The following DAB2 variants were observed in gnomAD, a reference collection of about 807,000 sequenced individuals.
The protein encoded by DAB2 is disabled homolog 2.
A neutral mutation model predicts 71.6 loss-of-function variants in DAB2; 28 were observed. The observed-to-expected ratio is 0.39, with a 90% CI of 0.29 to 0.54. The LOEUF (loss-of-function observed/expected upper bound fraction) is 0.54, where lower values mean the gene tolerates loss of function less well. DAB2 is among the 20% of genes least tolerant of loss of function. The probability of loss-of-function intolerance (pLI) is 0.68; values close to 1 mark genes in which losing one functional copy is unlikely to be tolerated. For synonymous variants in DAB2, 345 were observed against 339.7 expected (o/e 1.02, Z -0.17); for missense variants, 867 against 928.8 (o/e 0.93, Z 0.86).
At chr5:39,381,333 C>A in intron 11 of DAB2, 121 bp downstream of exon 11, 1 of 1,006,346 alleles carries the variant, frequency 9.9e-7, no homozygotes, top group Non-Finnish European at 1.5e-6. Context: ...AGAAGGGCTC[C>A]CTGGGATGCT....
Position 39,392,389 on chromosome 5 carries a change from T to C in DAB2, c.306A>G (p.Ile102Met). 6.2e-7 allele frequency: 1 copy of C among 1,614,048 alleles called. No individual in the cohort carries two copies. The highest frequency in any genetic ancestry group is 8.5e-7 in the Non-Finnish European group (1 of 1,179,900). The change falls in exon 4 of 15, where the codon ATA becomes ATG. Residue 102 changes from isoleucine (I) to methionine (M), a missense_variant. Coordinates refer to ENST00000320816, the MANE Select transcript of DAB2 (RefSeq NM_001343.4). ...CCCCAGTTTTCTCATCAATTATTTT[T>C]ATCCCAGAAAGGGAAATGTTGACCC... ...RIWVNISLSG[I>M]KIIDEKTGVI...
intron 6 of DAB2, 24 bp downstream of exon 6, chr5:39,389,807 CAGCCAGTTTTAAATTTAATAG>C: frequency 8.6e-7 from 1 of 1,165,694 alleles, no homozygotes; most frequent in East Asian, 2.5e-5. Context: ...CCACCATGCC[CAGCCAGTTTTAAATTTAATAG>C]AGCCTTAATC....
chr5:39,382,608 G>T lies in DAB2; in HGVS notation c.1341+10C>A. Reference sequence around the variant, plus strand: ...ACTCTGCTAATGGATATGTGGAGAAGACAATTCACCTTAGCAGTCCTTCTG... The same window carrying T: ...ACTCTGCTAATGGATATGTGGAGAATACAATTCACCTTAGCAGTCCTTCTG... On this transcript the variant is annotated intron_variant, in intron 10 of 14. Transcript: ENST00000320816. 1 of 1,608,944 alleles carries T rather than the reference G, an allele frequency of 6.2e-7. No individual in the cohort carries two copies. The highest frequency in any genetic ancestry group is 1.1e-5 in the South Asian group (1 of 90,930).
chr5:39,405,817 T>A (rs1278594616), intron 1 of DAB2, among the ~76,000 whole-genome samples: 2 of 152,160 alleles, frequency 1.3e-5, no homozygotes, highest in African/African-American at 2.4e-5. Flanking sequence ...ACTACAACCT[T>A]GAGCCCAGAG....
chr5:39,399,368 G>A (rs73752509), intron 1 of DAB2, among the ~76,000 whole-genome samples: 2 of 152,160 alleles, frequency 1.3e-5, no homozygotes, highest in Admixed American at 1.3e-4. Context: ...TTGTTATCCT[G>A]GTTCTCAGGG....
At chr5:39,411,353 C>A (rs537912264) in intron 1 of DAB2, among the ~76,000 whole-genome samples, 1 of 152,112 alleles carries the variant, frequency 6.6e-6, no homozygotes, top group Admixed American at 6.6e-5. Flanking sequence ...TCTTTCAGAG[C>A]AGTCTCCTCT....
chr5:39,392,487 G>A (rs1301523515), intron 3 of DAB2, 24 bp from the exon 4 acceptor site: 1 of 1,560,404 alleles, frequency 6.4e-7, no homozygotes. Context: ...AAAAACAAGA[G>A]AAGTTGAATT....
At chr5:39,418,275 A>G (rs1487736776) in intron 1 of DAB2, 1 of 152,190 alleles carries the variant, frequency 6.6e-6, no homozygotes, top group Non-Finnish European at 1.5e-5. Context: ...CCAAACTGGT[A>G]TAGCATTCTT....
At chr5:39,378,308 A>T (rs1200452833) in intron 11 of DAB2, among the ~76,000 whole-genome samples, 1 of 152,182 alleles carries the variant, frequency 6.6e-6, no homozygotes, top group Non-Finnish European at 1.5e-5. Flanking sequence ...TGCATTAATG[A>T]TTCAGTTAAA....
chr5:39,412,522 CAG>C (rs1755755561), intron 1 of DAB2, among the ~76,000 whole-genome samples: 1 of 152,108 alleles, frequency 6.6e-6, no homozygotes, highest in Non-Finnish European at 1.5e-5. Context: ...TACTATCTAA[CAG>C]GGAGCAAAAC....
At chr5:39,399,097 T>C (rs1446363889) in intron 1 of DAB2, among the ~76,000 whole-genome samples, 1 of 152,214 alleles carries the variant, frequency 6.6e-6, no homozygotes, top group African/African-American at 2.4e-5. Flanking sequence ...GTCTAGCTTA[T>C]GTTAAGCAAT....
Position 39,392,443 on chromosome 5 carries a change from C to T in DAB2, c.252G>A (p.Arg84=). 1 of 1,613,904 alleles carries T rather than the reference C, an allele frequency of 6.2e-7. No homozygotes were observed. Among genetic ancestry groups the T allele is most frequent in the Non-Finnish European group, 8.5e-7 (1 of 1,179,852 alleles). The change falls in exon 4 of 15, where the codon CGG becomes CGA. Residue 84 remains arginine, a synonymous_variant. Transcript: ENST00000320816. ...TCCTTTGTTTGTGTTGTCCCTGAGA[C>T]CGACCAGCTGCCGCCATTCCCTGAT... is the stretch of plus-strand genomic sequence containing the variant. ...MKLKGMAAAG[R]SQGQHKQRIW...
At position 39,388,370 on chromosome 5, in the gene DAB2, TA is replaced by T. The variant is rs1208232091; in HGVS notation, c.625-4del. 1 of 1,603,548 alleles carries T rather than the reference TA, an allele frequency of 6.2e-7. No individual in the cohort carries two copies. Among genetic ancestry groups the T allele is most frequent in the Non-Finnish European group, 8.5e-7 (1 of 1,170,936 alleles). On this transcript the variant is annotated splice_region_variant and splice_polypyrimidine_tract_variant and intron_variant, in intron 8 of 14. Transcript: ENST00000320816. ...AACAAATCCATCTGGTCAACACCCT[TA>T]AAAAAGTATTTGGATTAGATTCAGA...
chr5:39,374,686 T>C (rs1754778767), intron 14 of DAB2: 1 of 236,580 alleles, frequency 4.2e-6, no homozygotes, highest in Non-Finnish European at 8.0e-6. Context: ...ACCACTTCAA[T>C]ATGAAAGTAA....
intron 8 of DAB2, 69 bp downstream of exon 8, chr5:39,388,730 A>G: frequency 7.8e-7 from 1 of 1,279,318 alleles, no homozygotes; most frequent in South Asian, 1.3e-5. Context: ...GGTATCAGCA[A>G]CATCTACAGG....
intron 4 of DAB2, chr5:39,392,107 G>A (rs902491204): frequency 1.3e-5 from 3 of 225,334 alleles, no homozygotes; most frequent in African/African-American, 7.1e-5. Flanking sequence ...ATATATTATA[G>A]ACATAATGTG....
intron 1 of DAB2, among the ~76,000 whole-genome samples, chr5:39,419,010 T>C (rs1278733367): frequency 6.6e-6 from 1 of 152,222 alleles, no homozygotes; most frequent in Non-Finnish European, 1.5e-5. Context: ...CCCAAGCTCT[T>C]AACCATGAAT....
chr5:39,419,413 A>G (rs1049952803), intron 1 of DAB2, among the ~76,000 whole-genome samples: 2 of 152,340 alleles, frequency 1.3e-5, no homozygotes, highest in Non-Finnish European at 1.5e-5. Flanking sequence ...CCACTTAATG[A>G]TAACACCTTG....
chr5:39,411,053 G>A (rs994510411), intron 1 of DAB2, among the ~76,000 whole-genome samples: 2 of 152,062 alleles, frequency 1.3e-5, no homozygotes, highest in Non-Finnish European at 2.9e-5. Context: ...CTCCAGGCCT[G>A]TTGAATGCAC....
Sources: gnomAD v4.1 joint callset for allele counts (sites outside exome capture counted in the v4.1 genomes callset) on GRCh38, gnomAD v4.1.1 for gene constraint, MANE v1.5 for transcripts, NCBI Gene and HGNC (gene_info 2026-07-23, HGNC 2026-07-21) for gene names.